Variants in CHRNB4 observed in about 807,000 individuals in gnomAD.
The protein encoded by CHRNB4 is neuronal acetylcholine receptor subunit beta-4.
Under a neutral mutation model 40.4 loss-of-function variants are expected in CHRNB4, and 23 were observed. The observed-to-expected ratio is 0.57, with a 90% CI of 0.41 to 0.81. The LOEUF is 0.81. CHRNB4 is among the 30% of genes least tolerant of loss of function. The pLI is 0.00. For synonymous variants in CHRNB4, 285 were observed against 274.4 expected (o/e 1.04, Z -0.38); for missense variants, 568 against 670.6 (o/e 0.85, Z 1.69).
Position 78,625,219 on chromosome 15 carries a change from C to T in CHRNB4, c.1411G>A (p.Val471Ile), listed in dbSNP as rs181037724. The T allele has an allele frequency of 2.5e-5, 40 of 1,595,626 alleles. No individual in the cohort carries two copies. Among genetic ancestry groups the T allele is most frequent in the African/African-American group, 1.2e-4 (9 of 74,182 alleles). The change falls in exon 6 of 6, where the codon GTC (valine) becomes ATC (isoleucine). Residue 471 changes from valine to isoleucine, a missense_variant. Physicochemically the swap from Val to Ile is conservative, Grantham distance 29. Coordinates refer to ENST00000261751, the MANE Select transcript of CHRNB4 (RefSeq NM_000750.5). ...AGGAAGAGCCCCACAGTGCCCAGGACGCACACAAACATGAACACCCACAGG... is the reference window on the plus strand; with the variant it reads ...AGGAAGAGCCCCACAGTGCCCAGGATGCACACAAACATGAACACCCACAGG... ...LFLWVFMFVC[V>I]LGTVGLFLPP...
chr15:78,635,523 G>GT lies in CHRNB4; in HGVS notation c.119dup (p.Tyr40Ter). Residue 40 changes from tyrosine to a stop codon, truncating the protein, a stop_gained and frameshift_variant, in exon 2 of 6, where the codon TAC (tyrosine) becomes TAAC (stop). Transcript: ENST00000261751. LOFTEE classifies it high-confidence loss of function. ...LMDDLLNKTR[Y>*]NNLIRPATSS... ...TGGTGGCTGGGCGGATCAGGTTATT[G>GT]TAACGGGTTTTGTTCAGAAGGTCGT... 1 of 1,614,162 alleles carries GT rather than the reference G, an allele frequency of 6.2e-7. No homozygotes were observed. The highest frequency in any genetic ancestry group is 2.2e-5 in the East Asian group (1 of 44,878).
Position 78,631,065 on chromosome 15 carries a change from C to A in CHRNB4, c.359+11G>T. 6.2e-7 allele frequency: 1 copy of A among 1,611,632 alleles called. No individual in the cohort carries two copies. The highest frequency in any genetic ancestry group is 1.1e-5 in the South Asian group (1 of 90,992). ...GGCTGTCACCAGGCCTCCACCAACC[C>A]TGCCACTCACTTGTTGTAAAGCACG... On this transcript the variant is annotated intron_variant, in intron 4 of 5. Transcript: ENST00000261751.
chr15:78,648,465 C>T (rs2054144884), intron 7 of CHRNB4, among the ~76,000 whole-genome samples: 1 of 147,958 alleles, frequency 6.8e-6, no homozygotes, highest in Non-Finnish European at 1.5e-5. Context: ...AGAATATATT[C>T]TTATTGTTGG....
chr15:78,625,037 T>C lies in CHRNB4; in HGVS notation c.*96A>G, dbSNP rs748753717. ...ATGGGGTTGATGGCCAATGCTCACA[T>C]ATTTACTTAGGGCCTCATCAGCCAC... On this transcript the variant is annotated 3_prime_UTR_variant, in exon 6 of 6. Coordinates refer to ENST00000261751, the MANE Select transcript of CHRNB4 (RefSeq NM_000750.5). 6.2e-7 allele frequency: 1 copy of C among 1,604,688 alleles called. No individual in the cohort carries two copies. The highest frequency in any genetic ancestry group is 1.1e-5 in the South Asian group (1 of 91,090).
chr15:78,627,044 C>T (rs1177706456), intron 5 of CHRNB4: 1 of 152,166 alleles, frequency 6.6e-6, no homozygotes, highest in Non-Finnish European at 1.5e-5. Context: ...TCCAATATGT[C>T]TCCGCCAGAG....
intron 5 of CHRNB4, chr15:78,626,375 TGTGTGTG>T: frequency 6.9e-6 from 1 of 145,078 alleles, no homozygotes; most frequent in Non-Finnish European, 1.5e-5. Context: ...TGTGTGTGTG[TGTGTGTG>T]TGTTTCCCCC....
intron 1 of CHRNB4, among the ~76,000 whole-genome samples, chr15:78,638,918 G>T (rs1370258021): frequency 6.6e-6 from 1 of 152,186 alleles, no homozygotes; most frequent in Non-Finnish European, 1.5e-5. Context: ...GCCGCCACTA[G>T]GGGTCAGTCA....
At chr15:78,660,045 A>G (rs1490745275) in intron 1 of CHRNB4, among the ~76,000 whole-genome samples, 1 of 152,034 alleles carries the variant, frequency 6.6e-6, no homozygotes, top group African/African-American at 2.4e-5. Flanking sequence ...CTTCTCTACT[A>G]ATAATACAAA....
At chr15:78,635,417 C>T (rs201871687) in intron 2 of CHRNB4, 22 bp downstream of exon 2, 2 of 1,610,614 alleles carry the variant, frequency 1.2e-6, no homozygotes, top group East Asian at 2.2e-5. Flanking sequence ...GAGCCTGAGC[C>T]ACAGCTGCCC....
At chr15:78,637,942 A>G (rs370922673) in intron 1 of CHRNB4, among the ~76,000 whole-genome samples, 1 of 152,122 alleles carries the variant, frequency 6.6e-6, no homozygotes, top group African/African-American at 2.4e-5. Flanking sequence ...AGTACCCTGG[A>G]AGCCAGTCTG....
chr15:78,641,492 A>G (rs1163722150), upstream of CHRNB4, among the ~76,000 whole-genome samples: 1 of 152,158 alleles, frequency 6.6e-6, no homozygotes, highest in Non-Finnish European at 1.5e-5. Flanking sequence ...GGATCCCTCT[A>G]CTGTTGGGGA....
chr15:78,628,754 T>C (rs1841909687), intron 5 of CHRNB4, among the ~76,000 whole-genome samples: 1 of 152,184 alleles, frequency 6.6e-6, no homozygotes, highest in Admixed American at 6.5e-5. Flanking sequence ...CTGGGACACC[T>C]AAAACAAACA....
At chr15:78,636,414 G>C (rs1362468287) in intron 1 of CHRNB4, among the ~76,000 whole-genome samples, 1 of 152,076 alleles carries the variant, frequency 6.6e-6, no homozygotes, top group East Asian at 1.9e-4. Flanking sequence ...TCTCAGAGCT[G>C]TAGGTGGACT....
intron 7 of CHRNB4, chr15:78,649,279 T>C: frequency 3.0e-6 from 1 of 334,392 alleles, no homozygotes; most frequent in Non-Finnish European, 5.9e-6. Context: ...GACACTCATT[T>C]ATATGATAAT....
At chr15:78,650,346 C>T (rs2054162129) in intron 6 of CHRNB4, among the ~76,000 whole-genome samples, 2 of 152,212 alleles carry the variant, frequency 1.3e-5, no homozygotes, top group Non-Finnish European at 2.9e-5. Context: ...CCCAACTTCC[C>T]CATCTGTGGA....
At chr15:78,630,802 G>A (rs1400272627) in intron 4 of CHRNB4, 1 of 427,796 alleles carries the variant, frequency 2.3e-6, no homozygotes, top group African/African-American at 2.0e-5. Flanking sequence ...AACACAGAAA[G>A]GGTGCTGGGT....
chr15:78,645,419 C>G (rs181361530), upstream of CHRNB4, among the ~76,000 whole-genome samples: 98 of 152,122 alleles, frequency 6.4e-4, no homozygotes, highest in Non-Finnish European at 1.3e-3. Context: ...ATAAAAAACT[C>G]TACTTCAGGA....
At chr15:78,640,383 A>G (rs1596117534) in intron 1 of CHRNB4, among the ~76,000 whole-genome samples, 1 of 152,188 alleles carries the variant, frequency 6.6e-6, no homozygotes, top group Admixed American at 6.5e-5. Flanking sequence ...GGCAGGCCCA[A>G]CTTCACCAGC....
intron 1 of CHRNB4, among the ~76,000 whole-genome samples, chr15:78,659,438 A>G (rs932602147): frequency 6.6e-6 from 1 of 152,186 alleles, no homozygotes; most frequent in South Asian, 2.1e-4. Flanking sequence ...AAAAAGAAAG[A>G]AAGAAAAAGA....
Sources: gnomAD v4.1 joint callset for allele counts (sites outside exome capture counted in the v4.1 genomes callset) on GRCh38, gnomAD v4.1.1 for gene constraint, MANE v1.5 for transcripts, NCBI Gene and HGNC (gene_info 2026-07-23, HGNC 2026-07-21) for gene names.